Variants in ADGRB3 observed in about 807,000 individuals in gnomAD.
The protein encoded by ADGRB3 is adhesion G protein-coupled receptor B3, also known as brain-specific angiogenesis inhibitor 3.
Under a neutral mutation model 193.4 loss-of-function variants are expected in ADGRB3, and 37 were observed. The ratio of observed to expected loss-of-function variants is 0.19; its 90% CI spans 0.15 to 0.25. The LOEUF (loss-of-function observed/expected upper bound fraction) is 0.25. ADGRB3 is among the 10% of genes least tolerant of loss of function. The pLI is 1.00. For missense variants in ADGRB3, 1,637 were observed against 1,852.9 expected (o/e 0.88, Z 2.14); for synonymous variants, 690 against 644.2 (o/e 1.07, Z -1.08).
chr6:68,817,324 T>TCA lies in ADGRB3; in HGVS notation c.758-113235_758-113234insCA, dbSNP rs1344121358. On this transcript the variant is annotated intron_variant, in intron 3 of 31. Transcript: ENST00000370598. ...TTGTCCATGTATATATATATATATA[T>TCA]ATATATATATATATATATATATATA... is the stretch of plus-strand genomic sequence containing the variant. 9.8e-4 allele frequency among the ~76,000 whole-genome samples: 77 copies of TCA among 78,708 alleles called. 4 individuals carry two copies. Among genetic ancestry groups the TCA allele is most frequent in the Admixed American group, 1.2e-3 (11 of 9,124 alleles). The allele number at this position is 78,708 out of a possible 152,430, so 51.6% of individuals were successfully genotyped here.
chr6:68,674,749 G>A (rs764903739), intron 3 of ADGRB3, among the ~76,000 whole-genome samples: 1 of 152,172 alleles, frequency 6.6e-6, no homozygotes, highest in African/African-American at 2.4e-5. Flanking sequence ...AGAAGAGAAC[G>A]GCATTCATTT....
chr6:68,854,610 A>G (rs1764917454), intron 3 of ADGRB3, among the ~76,000 whole-genome samples: 1 of 152,124 alleles, frequency 6.6e-6, no homozygotes, highest in Non-Finnish European at 1.5e-5. Context: ...CCAGCCTATA[A>G]AAAACTGTCC....
At chr6:68,966,467 C>T (rs1451913102) in intron 8 of ADGRB3, among the ~76,000 whole-genome samples, 2 of 152,152 alleles carry the variant, frequency 1.3e-5, no homozygotes, top group East Asian at 3.9e-4. Flanking sequence ...TTACACTTTA[C>T]CCTTTCTGAA....
At chr6:69,334,021 A>T (rs1016374216) in intron 24 of ADGRB3, among the ~76,000 whole-genome samples, 1 of 146,502 alleles carries the variant, frequency 6.8e-6, no homozygotes, top group Non-Finnish European at 1.5e-5. Context: ...TAAAATAAAA[A>T]ATATGTATAT....
intron 3 of ADGRB3, among the ~76,000 whole-genome samples, chr6:68,869,524 A>G (rs12525424): frequency 6.6e-6 from 1 of 152,144 alleles, no homozygotes; most frequent in East Asian, 1.9e-4. Flanking sequence ...GATGCAAATA[A>G]TGCTGACAAA....
At chr6:69,304,162 G>A (rs1350980629) in intron 20 of ADGRB3, among the ~76,000 whole-genome samples, 3 of 151,188 alleles carry the variant, frequency 2.0e-5, no homozygotes, top group Non-Finnish European at 4.4e-5. Context: ...TATCACTCTT[G>A]GTTTATAACT....
rs188810304 is a variant in ADGRB3 at position 69,176,556 on chromosome 6, G to T, written c.2481-56734G>T. 9.0e-4 allele frequency among the ~76,000 whole-genome samples: 137 copies of T among 152,228 alleles called. 1 individual carries two copies. The highest frequency in any genetic ancestry group is 3.1e-3 in the African/African-American group (129 of 41,544). On this transcript the variant is annotated intron_variant, in intron 17 of 31. Coordinates refer to ENST00000370598, the MANE Select transcript of ADGRB3 (RefSeq NM_001704.3). The stretch of plus-strand genomic sequence containing the variant: ...GTTTGCTAGTAATTTGAGAATTTTT[G>T]TGTGTGTGTCCATGTTCATCAGGGA...
chr6:68,719,099 T>C (rs1765532251), intron 3 of ADGRB3, among the ~76,000 whole-genome samples: 1 of 151,792 alleles, frequency 6.6e-6, no homozygotes, highest in African/African-American at 2.4e-5. Context: ...ATAAAGTAAT[T>C]GGTGAAAGGA....
chr6:68,996,657 C>T (rs1228964600), intron 11 of ADGRB3, among the ~76,000 whole-genome samples: 2 of 152,126 alleles, frequency 1.3e-5, no homozygotes, highest in African/African-American at 2.4e-5. Context: ...AGACCGGCTT[C>T]GTCTATCTCA....
chr6:69,113,203 A>G (rs977331671), intron 17 of ADGRB3, among the ~76,000 whole-genome samples: 2 of 152,174 alleles, frequency 1.3e-5, no homozygotes, highest in African/African-American at 2.4e-5. Flanking sequence ...AGGAATGACT[A>G]TACATATGTA....
rs147543310 is a variant in ADGRB3, at chr6:68,933,952, A to G, written c.869-2567A>G. The stretch of plus-strand genomic sequence containing the variant: ...CAAAGATACATATATTAAAAACAGT[A>G]TACTTTGTCTTATAGTTTACTATTT... On this transcript the variant is annotated intron_variant, in intron 4 of 31. Transcript: ENST00000370598. Among the ~76,000 whole-genome samples the G allele has an allele frequency of 1.5e-3, 224 of 152,266 alleles. 1 individual carries two copies. In the Middle Eastern group the frequency reaches 0.024, roughly 16 times the overall value.
chr6:68,861,291 T>C (rs1428179679), intron 3 of ADGRB3, among the ~76,000 whole-genome samples: 1 of 152,134 alleles, frequency 6.6e-6, no homozygotes, highest in Non-Finnish European at 1.5e-5. Context: ...TAAAATATTC[T>C]GGGAGGGCAC....
intron 17 of ADGRB3, among the ~76,000 whole-genome samples, chr6:69,116,132 T>A (rs1420882566): frequency 6.6e-6 from 1 of 152,198 alleles, no homozygotes; most frequent in African/African-American, 2.4e-5. Context: ...AATTCCTTCT[T>A]CACCAGGAAA....
chr6:68,764,428 T>C (rs1465502719), intron 3 of ADGRB3, among the ~76,000 whole-genome samples: 1 of 152,140 alleles, frequency 6.6e-6, no homozygotes, highest in African/African-American at 2.4e-5. Flanking sequence ...AGCATCAAAA[T>C]CCACTCAGCA....
At chr6:69,124,229 T>G (rs1047545505) in intron 17 of ADGRB3, among the ~76,000 whole-genome samples, 1 of 152,200 alleles carries the variant, frequency 6.6e-6, no homozygotes, top group Non-Finnish European at 1.5e-5. Context: ...GATTCTGATC[T>G]TTTTGTGTCC....
intron 3 of ADGRB3, among the ~76,000 whole-genome samples, chr6:68,664,502 A>C (rs1055377306): frequency 6.6e-6 from 1 of 151,848 alleles, no homozygotes; most frequent in Non-Finnish European, 1.5e-5. Context: ...TCAATGGCTA[A>C]GAACATGGAA....
chr6:69,254,038 A>C (rs1338288514), intron 20 of ADGRB3, among the ~76,000 whole-genome samples: 1 of 152,148 alleles, frequency 6.6e-6, no homozygotes, highest in Non-Finnish European at 1.5e-5. Context: ...ATGGAAGCAA[A>C]ATATTTCTGA....
At chr6:69,323,392 T>C (rs1039325646) in intron 20 of ADGRB3, among the ~76,000 whole-genome samples, 3 of 151,816 alleles carry the variant, frequency 2.0e-5, no homozygotes, top group Admixed American at 6.6e-5. Flanking sequence ...AAACCGTAAA[T>C]TGGAAAAAAT....
At chr6:69,102,176 T>C (rs1364332679) in intron 17 of ADGRB3, among the ~76,000 whole-genome samples, 3 of 66,896 alleles carry the variant, frequency 4.5e-5, no homozygotes, top group Non-Finnish European at 6.5e-5. Context: ...AGACTCCGTC[T>C]CAAAAAAAAA....
Sources: gnomAD v4.1 joint callset for allele counts (sites outside exome capture counted in the v4.1 genomes callset) on GRCh38, gnomAD v4.1.1 for gene constraint, MANE v1.5 for transcripts, NCBI Gene and HGNC (gene_info 2026-07-23, HGNC 2026-07-21) for gene names.